PCDHA6: variants seen among roughly 807,000 people sequenced by gnomAD.
The protein encoded by PCDHA6 is protocadherin alpha 6.
A neutral mutation model predicts 60.3 loss-of-function variants in PCDHA6; 55 were observed. The ratio of observed to expected loss-of-function variants is 0.91; its 90% confidence interval spans 0.73 to 1.14. PCDHA6 has a LOEUF of 1.14. Ranked by LOEUF, PCDHA6 falls within the 50% of genes most tolerant of loss-of-function variation. The pLI is 0.00. For synonymous variants in PCDHA6, 652 were observed against 557.9 expected, an observed-to-expected ratio of 1.17 and a Z score of -2.38; for missense variants, 1,327 against 1,256.5, an observed-to-expected ratio of 1.06 and a Z score of -0.85.
Position 140,923,938 on chromosome 5 carries a change from CT to C in PCDHA6, c.2395-55005del, listed in dbSNP as rs1340709876. 2.6e-5 allele frequency among the ~76,000 whole-genome samples: 4 copies of C among 152,122 alleles called. No homozygotes were observed. In the East Asian group the frequency reaches 7.7e-4, roughly 29 times the overall value. On this transcript the variant is annotated intron_variant, in intron 1 of 3. Coordinates refer to ENST00000529310, the MANE Select transcript of PCDHA6 (RefSeq NM_018909.4). ...ATACTGTTCTCTGTATGCATTTTTC[CT>C]TTTTTCCTCACGCCCTAATCTATAC... is the stretch of plus-strand genomic sequence containing the variant.
intron 1 of PCDHA6, among the ~76,000 whole-genome samples, chr5:140,964,435 C>G (rs2095833359): frequency 6.6e-6 from 1 of 152,108 alleles, no homozygotes; most frequent in African/African-American, 2.4e-5. Context: ...AATTACCAAG[C>G]CTCTGCCACT....
intron 1 of PCDHA6, chr5:140,862,267 A>G (rs968907254): frequency 8.7e-6 from 2 of 230,002 alleles, no homozygotes; most frequent in African/African-American, 4.5e-5. Flanking sequence ...GCAGTAAGTC[A>G]CTATCATTCC....
At chr5:140,929,404 G>T (rs530409256) in intron 1 of PCDHA6, 1 of 1,506,596 alleles carries the variant, frequency 6.6e-7, no homozygotes, top group South Asian at 1.4e-5. Flanking sequence ...TCTTAGACAA[G>T]CCTTTCACAA....
intron 1 of PCDHA6, chr5:140,858,003 A>G: frequency 6.3e-7 from 1 of 1,596,628 alleles, no homozygotes; most frequent in Non-Finnish European, 8.6e-7. Flanking sequence ...CTGGTGAAGG[A>G]CCATGGCGAG....
rs1554228541 is a variant in PCDHA6 at position 140,966,673 on chromosome 5, T to C, written c.2395-12276T>C. 2.3e-6 allele frequency: 3 copies of C among 1,290,056 alleles called. No homozygotes were observed. The African/African-American group carries it at 4.7e-5, about 20-fold the overall frequency. The allele number at this position is 1,290,056 out of a possible 1,614,324, so 79.9% of individuals were successfully genotyped here. A position where few individuals can be genotyped will look rare whatever the true frequency, so the allele number is the denominator to read the frequency against. On this transcript the variant is annotated intron_variant, in intron 1 of 3. Coordinates refer to ENST00000529310, the MANE Select transcript of PCDHA6 (RefSeq NM_018909.4). ...GAGCGGTGGGGGAGCAGGCGCAGGG[T>C]GGCACGAGCGGAGGCGGGGCCCGGG...
At position 140,856,085 on chromosome 5, in the gene PCDHA6, C is replaced by T. The variant is rs2043764270; in HGVS notation, c.2394+25600C>T. 5.0e-6 allele frequency: 8 copies of T among 1,596,290 alleles called. No homozygotes were observed. In the East Asian group the frequency reaches 1.8e-4, roughly 36 times the overall value. On this transcript the variant is annotated intron_variant, in intron 1 of 3. Transcript: ENST00000529310. ...ATGTAGCTGCCTGGGGGTCCAGTGT[C>T]TGCTGCTCTCGCTTCTTCTCCTCGC...
intron 1 of PCDHA6, chr5:140,858,429 C>G (rs1554151596): frequency 6.5e-7 from 1 of 1,548,730 alleles, no homozygotes; most frequent in African/African-American, 1.4e-5. Flanking sequence ...GGGGACCACT[C>G]TAGGAAGGTG....
intron 1 of PCDHA6, among the ~76,000 whole-genome samples, chr5:140,957,433 A>G (rs2095359030): frequency 6.6e-6 from 1 of 152,202 alleles, no homozygotes; most frequent in Non-Finnish European, 1.5e-5. Flanking sequence ...TACTGTGCCT[A>G]ATTTATAAAT....
At chr5:141,000,393 C>CTATAAATATA (rs1563650230) in intron 3 of PCDHA6, among the ~76,000 whole-genome samples, 1 of 52,856 alleles carries the variant, frequency 1.9e-5, no homozygotes, top group African/African-American at 9.2e-5. Flanking sequence ...CTCTCTCTCT[C>CTATAAATATA]TCTATATATA....
At chr5:140,992,643 A>C (rs1215653539) in intron 3 of PCDHA6, among the ~76,000 whole-genome samples, 1 of 152,148 alleles carries the variant, frequency 6.6e-6, no homozygotes. Context: ...CCTGGAAAAT[A>C]GAAGAAAGAG....
intron 1 of PCDHA6, among the ~76,000 whole-genome samples, chr5:140,915,256 T>C (rs782716023): frequency 1.3e-5 from 2 of 152,162 alleles, no homozygotes; most frequent in Non-Finnish European, 2.9e-5. Flanking sequence ...CAGGTTGTTA[T>C]TATTTTTGAC....
chr5:140,983,059 C>A (rs1325414567), intron 3 of PCDHA6, among the ~76,000 whole-genome samples: 3 of 151,980 alleles, frequency 2.0e-5, no homozygotes, highest in Non-Finnish European at 4.4e-5. Flanking sequence ...TTATCGGAAC[C>A]AAGGCATTGT....
intron 1 of PCDHA6, among the ~76,000 whole-genome samples, chr5:140,937,469 T>C (rs1322050073): frequency 6.6e-6 from 1 of 152,210 alleles, no homozygotes; most frequent in Non-Finnish European, 1.5e-5. Flanking sequence ...ATACAAAAAT[T>C]AGCTGGACAT....
In PCDHA6 at chr5:140,829,543, G is replaced by A. The variant is rs1581881467; in HGVS notation, c.1452G>A (p.Ala484=). ...CGGTGTCTGCGCGAGACGCGGACGC[G>A]CAGGAGAACGCGCTGGTGTCCTACT... The part of the protein sequence containing the change: ...IFTVSARDAD[A]QENALVSYSL... Residue 484 remains alanine (A), a synonymous_variant, in exon 1 of 4, where the codon GCG becomes GCA. Transcript: ENST00000529310. 4 of 1,612,982 alleles carry A rather than the reference G, an allele frequency of 2.5e-6. No homozygotes were observed. The highest frequency in any genetic ancestry group is 3.4e-6 in the Non-Finnish European group (4 of 1,179,846).
chr5:140,868,184 G>A (rs1216562415), intron 1 of PCDHA6: 3 of 151,962 alleles, frequency 2.0e-5, no homozygotes, highest in African/African-American at 7.2e-5. Context: ...CTCATATTAT[G>A]CTACTATGGC....
In PCDHA6 at chr5:140,879,783, G is replaced by C. The variant is rs182330190; in HGVS notation, c.2394+49298G>C. Among the ~76,000 whole-genome samples, 12 of 152,280 alleles carry C rather than the reference G, an allele frequency of 7.9e-5. No homozygotes were observed. In the East Asian group the frequency reaches 2.3e-3, roughly 29 times the overall value. ...TTTGGAGGCCCCAGGGAAGAATCTGGTTTTTGTTTCTTCCAGTTTCTATTG... is the reference window on the plus strand; with the variant it reads ...TTTGGAGGCCCCAGGGAAGAATCTGCTTTTTGTTTCTTCCAGTTTCTATTG... On this transcript the variant is annotated intron_variant, in intron 1 of 3. Coordinates refer to ENST00000529310, the MANE Select transcript of PCDHA6 (RefSeq NM_018909.4).
At position 140,870,179 on chromosome 5, in the gene PCDHA6, G is replaced by C. The variant is rs184228916; in HGVS notation, c.2394+39694G>C. ...GTGACTTCCTTGTCCCTCCCAGTACGAGAGGACGCTCAGCCCAGCACGGTC... is the reference window on the plus strand; with the variant it reads ...GTGACTTCCTTGTCCCTCCCAGTACCAGAGGACGCTCAGCCCAGCACGGTC... On this transcript the variant is annotated intron_variant, in intron 1 of 3. Transcript: ENST00000529310. 4.9e-4 allele frequency: 783 copies of C among 1,614,104 alleles called. 1 individual carries two copies. In the African/African-American group the frequency reaches 9.2e-3, roughly 19 times the overall value.
At chr5:140,843,096 C>G (rs2150352451) in intron 1 of PCDHA6, 2 of 1,595,598 alleles carry the variant, frequency 1.3e-6, no homozygotes, top group Non-Finnish European at 8.6e-7. Flanking sequence ...CACGTGGTAG[C>G]GAAGGTGCGC....
chr5:140,829,600 G>T lies in PCDHA6; in HGVS notation c.1509G>T (p.Ala503=), dbSNP rs2150170965. The T allele has an allele frequency of 1.2e-6, 2 of 1,612,044 alleles. No individual in the cohort carries two copies. The highest frequency in any genetic ancestry group is 8.5e-7 in the Non-Finnish European group (1 of 1,179,778). The part of the protein sequence containing the change: ...SLVERRVGER[A]LSSYISVHAE... ...TGGAGCGGCGGGTGGGCGAGCGCGC[G>T]TTGTCGAGCTACATTTCGGTGCACG... The change falls in exon 1 of 4, where the codon GCG becomes GCT. Residue 503 remains alanine, a synonymous_variant. Coordinates refer to ENST00000529310, the MANE Select transcript of PCDHA6 (RefSeq NM_018909.4).
Sources: gnomAD v4.1 joint callset for allele counts (sites outside exome capture counted in the v4.1 genomes callset) on GRCh38, gnomAD v4.1.1 for gene constraint, MANE v1.5 for transcripts, NCBI Gene and HGNC (gene_info 2026-07-23, HGNC 2026-07-21) for gene names.